The following IQSEC1 variants were observed in gnomAD, a reference collection of about 807,000 sequenced individuals.
The protein encoded by IQSEC1 is IQ motif and Sec7 domain ArfGEF 1, also known as IQ motif and SEC7 domain-containing protein 1.
In IQSEC1, 31 loss-of-function variants were observed where a neutral mutation model predicts 91.0. The observed-to-expected ratio is 0.34, with a 90% CI of 0.26 to 0.46. IQSEC1 has a LOEUF of 0.46. Among genes scored for constraint, IQSEC1 ranks in the 20% least tolerant of loss-of-function variants. The probability of loss-of-function intolerance (pLI) is 1.00; values close to 1 mark genes in which losing one functional copy is unlikely to be tolerated. For missense variants in IQSEC1, 1,388 were observed against 1,575.6 expected, an observed-to-expected ratio of 0.88 and a Z score of 2.02; for synonymous variants, 699 against 662.6, an observed-to-expected ratio of 1.05 and a Z score of -0.84.
intron 2 of IQSEC1, among the ~76,000 whole-genome samples, chr3:13,126,801 T>C (rs11128635): frequency 0.39 from 59,809 of 152,124 alleles, 13,234 homozygotes; most frequent in African/African-American, 0.61. Flanking sequence ...CCCTTAACAG[T>C]ATTTTGCAGG....
At chr3:13,080,651 C>T (rs1705634026) in intron 2 of IQSEC1, among the ~76,000 whole-genome samples, 1 of 152,082 alleles carries the variant, frequency 6.6e-6, no homozygotes, top group South Asian at 2.1e-4. Context: ...GGAAGAAACC[C>T]AGCAGGCATC....
chr3:12,984,099 C>T (rs1243778354), intron 1 of IQSEC1, among the ~76,000 whole-genome samples: 1 of 152,136 alleles, frequency 6.6e-6, no homozygotes, highest in African/African-American at 2.4e-5. Context: ...TCCTCCAGCC[C>T]CCAAGGTCAG....
At chr3:13,182,870 AT>A (rs1253516502) in intron 1 of IQSEC1, among the ~76,000 whole-genome samples, 4 of 152,238 alleles carry the variant, frequency 2.6e-5, no homozygotes, top group Non-Finnish European at 1.5e-5. Flanking sequence ...ACCCAAAGAA[AT>A]TAGAAAAAGT....
chr3:13,265,032 C>A (rs1461423154), intron 1 of IQSEC1, among the ~76,000 whole-genome samples: 2 of 152,322 alleles, frequency 1.3e-5, no homozygotes, highest in East Asian at 1.9e-4. Flanking sequence ...AGCCCTGATA[C>A]CCCTTCTCCC....
At chr3:13,226,369 A>T (rs1274814831) in intron 1 of IQSEC1, among the ~76,000 whole-genome samples, 1 of 152,134 alleles carries the variant, frequency 6.6e-6, no homozygotes, top group Admixed American at 6.5e-5. Context: ...TCCACCTCAG[A>T]TCATTGTTCA....
rs528461672 is a variant in IQSEC1 at position 13,012,581 on chromosome 3, G to A, written c.23+60411C>T. ...CTACAGCTGGCCTGTCACAGGGCTGGTGACGACCGAATGAAAGGAAATGCC... is the reference window on the plus strand; with the variant it reads ...CTACAGCTGGCCTGTCACAGGGCTGATGACGACCGAATGAAAGGAAATGCC... On this transcript the variant is annotated intron_variant, in intron 1 of 13. Coordinates refer to ENST00000613206, the MANE Select transcript of IQSEC1 (RefSeq NM_001134382.3). 4.6e-4 allele frequency among the ~76,000 whole-genome samples: 70 copies of A among 152,312 alleles called. No homozygotes were observed. The South Asian group carries it at 0.014, about 30-fold the overall frequency.
chr3:13,197,934 G>A (rs950858491), intron 1 of IQSEC1, among the ~76,000 whole-genome samples: 9 of 152,224 alleles, frequency 5.9e-5, no homozygotes, highest in African/African-American at 1.4e-4. Flanking sequence ...GGAGCGGAGC[G>A]TGGTGCCCGC....
chr3:12,972,287 G>A (rs1479905201), intron 1 of IQSEC1, among the ~76,000 whole-genome samples: 1 of 151,818 alleles, frequency 6.6e-6, no homozygotes, highest in Non-Finnish European at 1.5e-5. Flanking sequence ...ACTCCTGCCT[G>A]GATGACAGAC....
chr3:12,947,648 G>A (rs1411295758), intron 1 of IQSEC1, among the ~76,000 whole-genome samples: 1 of 152,200 alleles, frequency 6.6e-6, no homozygotes. Flanking sequence ...TGTATGTCCT[G>A]GATGGGCCCC....
upstream of IQSEC1, among the ~76,000 whole-genome samples, chr3:13,075,995 A>G (rs1705556112): frequency 6.6e-6 from 1 of 152,216 alleles, no homozygotes; most frequent in Non-Finnish European, 1.5e-5. Flanking sequence ...CAGATTTGTC[A>G]GCCACACCTC....
At chr3:13,121,225 C>T (rs908391036) in intron 2 of IQSEC1, among the ~76,000 whole-genome samples, 4 of 152,222 alleles carry the variant, frequency 2.6e-5, no homozygotes, top group Admixed American at 1.3e-4. Flanking sequence ...TGAGTAGTTA[C>T]GACAGGACCC....
chr3:12,987,132 C>T (rs1006410601), intron 1 of IQSEC1: 18 of 246,858 alleles, frequency 7.3e-5, no homozygotes, highest in Admixed American at 2.2e-4. Flanking sequence ...CTGCTTAATC[C>T]GCCAGCTCCC....
At chr3:13,075,406 C>T (rs1705547549), upstream of IQSEC1, among the ~76,000 whole-genome samples, 1 of 152,210 alleles carries the variant, frequency 6.6e-6, no homozygotes, top group African/African-American at 2.4e-5. Flanking sequence ...CAATGCCCCT[C>T]TCAGCCGCCT....
intron 8 of IQSEC1, among the ~76,000 whole-genome samples, chr3:12,914,345 G>A (rs771146780): frequency 4.6e-5 from 7 of 152,298 alleles, no homozygotes; most frequent in Admixed American, 6.5e-5. Context: ...TGGGGGAGGC[G>A]GTCAAAGGGG....
intron 1 of IQSEC1, among the ~76,000 whole-genome samples, chr3:13,173,724 C>T (rs768689885): frequency 1.6e-4 from 24 of 152,360 alleles, no homozygotes; most frequent in Non-Finnish European, 3.1e-4. Context: ...CAGGCCATCT[C>T]TCTCCAAGCC....
chr3:13,001,494 G>A (rs1419610464), intron 1 of IQSEC1, among the ~76,000 whole-genome samples: 1 of 152,200 alleles, frequency 6.6e-6, no homozygotes, highest in African/African-American at 2.4e-5. Flanking sequence ...GGTAAACGCT[G>A]CTACACTGGA....
intron 1 of IQSEC1, among the ~76,000 whole-genome samples, chr3:12,991,526 C>G (rs1701990084): frequency 6.6e-6 from 1 of 152,094 alleles, no homozygotes; most frequent in South Asian, 2.1e-4. Flanking sequence ...AGCAGCCCCC[C>G]ACTCCCCACC....
Position 12,901,061 on chromosome 3 carries a change from G to A in IQSEC1, c.3267C>T (p.His1089=). 3 of 1,542,006 alleles carry A rather than the reference G, an allele frequency of 1.9e-6. No individual in the cohort carries two copies. The highest frequency in any genetic ancestry group is 2.6e-6 in the Non-Finnish European group (3 of 1,146,092). Residue 1089 remains histidine, a synonymous_variant, in exon 14 of 14, where the codon CAC becomes CAT. Transcript: ENST00000613206. ...LPSAHVGHTV[H]HHGQPPAPPP... is the part of the protein sequence containing the mutation. ...GCGGGGCAGGGGGCTGCCCATGGTG[G>A]TGCACTGTGTGCCCCACGTGGGCCG... is the stretch of plus-strand genomic sequence containing the variant.
Position 12,898,381 on chromosome 3 carries a change from C to T in IQSEC1, c.*2602G>A, listed in dbSNP as rs938852719. 1 of 152,292 alleles carries T rather than the reference C, an allele frequency of 6.6e-6. No individual in the cohort carries two copies. The highest frequency in any genetic ancestry group is 1.5e-5 in the Non-Finnish European group (1 of 68,066). The allele number at this position is 152,292 out of a possible 1,614,324, so 9.4% of individuals were successfully genotyped here. A position where few individuals can be genotyped will look rare whatever the true frequency, so the allele number is the denominator to read the frequency against. On this transcript the variant is annotated 3_prime_UTR_variant, in exon 14 of 14. Coordinates refer to ENST00000613206, the MANE Select transcript of IQSEC1 (RefSeq NM_001134382.3). ...GAAACCTCACTAGCCTGAAGGAACA[C>T]ACTGAGTGCGGCGGGAAACCCCGGG... is the stretch of plus-strand genomic sequence containing the variant.
Sources: allele counts gnomAD v4.1 joint callset (sites outside exome capture counted in the v4.1 genomes callset), GRCh38; gene constraint gnomAD v4.1.1; transcripts MANE v1.5; gene names NCBI Gene and HGNC (gene_info 2026-07-23, HGNC 2026-07-21).